Variants in PLXNA4 observed in about 807,000 individuals in gnomAD.
The protein encoded by PLXNA4 is plexin A4.
Under a neutral mutation model 191.8 loss-of-function variants are expected in PLXNA4, and 44 were observed. The observed-to-expected ratio is 0.23, with a 90% CI of 0.18 to 0.29. PLXNA4 has a LOEUF of 0.29. PLXNA4 is among the 10% of genes least tolerant of loss of function. The pLI is 1.00. For missense variants in PLXNA4, 1,800 were observed against 2,488.8 expected (o/e 0.72, Z 5.89); for synonymous variants, 1,082 against 1,009.5 (o/e 1.07, Z -1.36).
intron 3 of PLXNA4, among the ~76,000 whole-genome samples, chr7:132,450,462 C>T (rs1388794849): frequency 2.6e-5 from 4 of 152,198 alleles, no homozygotes; most frequent in African/African-American, 7.2e-5. Flanking sequence ...ATGCCTCTGA[C>T]ACACCGTTTC....
chr7:132,576,496 C>T (rs1270448636), upstream of PLXNA4: 1 of 985,104 alleles, frequency 1.0e-6, no homozygotes, highest in Non-Finnish European at 1.2e-6. This position sits in a 1 kb window ranked among gnomAD's most constrained non-coding sequence, Gnocchi z 5.8. Context: ...GCCGCTGCCT[C>T]TCGCCCTCCT....
intron 4 of PLXNA4, among the ~76,000 whole-genome samples, chr7:132,271,492 T>C (rs1800070538): frequency 6.6e-6 from 1 of 151,334 alleles, no homozygotes; most frequent in Admixed American, 6.6e-5. Context: ...CAGTGGTTAC[T>C]GGTACCTAGC....
chr7:132,342,556 G>A (rs1391199762), intron 3 of PLXNA4, among the ~76,000 whole-genome samples: 3 of 152,166 alleles, frequency 2.0e-5, no homozygotes, highest in African/African-American at 7.2e-5. Context: ...TCTAGGCACA[G>A]GTGAGAGGCC....
At chr7:132,187,672 G>A (rs990843335) in intron 14 of PLXNA4, 65 bp from the exon 15 acceptor site, 36 of 1,523,386 alleles carry the variant, frequency 2.4e-5, no homozygotes, top group Middle Eastern at 2.0e-4. Context: ...CTGGGCAGGC[G>A]TGAGGCAGCA....
intron 1 of PLXNA4, among the ~76,000 whole-genome samples, chr7:132,572,106 G>A (rs1450394028): frequency 1.3e-5 from 2 of 152,152 alleles, no homozygotes; most frequent in East Asian, 3.9e-4. Context: ...TCCCAAGGGG[G>A]CAGCAGTACA....
chr7:132,586,740 G>A (rs1001997404), intron 2 of PLXNA4, among the ~76,000 whole-genome samples: 8 of 152,142 alleles, frequency 5.3e-5, no homozygotes, highest in African/African-American at 1.9e-4. Context: ...GTGATAGAGT[G>A]AGACTCCATC....
At chr7:132,378,033 G>T (rs1804734731) in intron 3 of PLXNA4, among the ~76,000 whole-genome samples, 1 of 152,152 alleles carries the variant, frequency 6.6e-6, no homozygotes, top group Non-Finnish European at 1.5e-5. Flanking sequence ...AGTGAGGGTA[G>T]GAAGAGCACC....
chr7:132,283,115 C>T (rs1800549460), intron 4 of PLXNA4, among the ~76,000 whole-genome samples: 1 of 152,192 alleles, frequency 6.6e-6, no homozygotes, highest in African/African-American at 2.4e-5. Context: ...AAGCAATTCA[C>T]TGGCCTCGGC....
At chr7:132,432,793 G>A (rs946044120) in intron 3 of PLXNA4, among the ~76,000 whole-genome samples, 14 of 152,102 alleles carry the variant, frequency 9.2e-5, no homozygotes, top group African/African-American at 2.7e-4. Context: ...TTCATTTATC[G>A]TATAGACAAA....
intron 3 of PLXNA4, among the ~76,000 whole-genome samples, chr7:132,453,276 G>T (rs1161657899): frequency 2.0e-5 from 3 of 152,102 alleles, no homozygotes; most frequent in African/African-American, 7.2e-5. Context: ...GGCAAGGCTG[G>T]AGAGAAAGGT....
intron 1 of PLXNA4, among the ~76,000 whole-genome samples, chr7:132,541,108 A>G (rs1800060714): frequency 6.6e-6 from 1 of 152,244 alleles, no homozygotes; most frequent in Admixed American, 6.5e-5. Context: ...GAAAAGTAAC[A>G]GCAGCACACA....
At chr7:132,619,786 C>G (rs1803225494) in intron 2 of PLXNA4, among the ~76,000 whole-genome samples, 1 of 152,208 alleles carries the variant, frequency 6.6e-6, no homozygotes, top group Non-Finnish European at 1.5e-5. Context: ...AACAGCAGGA[C>G]TCCTTGTTGT....
intron 14 of PLXNA4, among the ~76,000 whole-genome samples, chr7:132,190,449 T>A (rs1469208029): frequency 6.6e-6 from 1 of 152,226 alleles, no homozygotes; most frequent in Non-Finnish European, 1.5e-5. Flanking sequence ...TCAGGGGGCC[T>A]CAGCCCAGCT....
chr7:132,562,631 TCTCCTC>T (rs1291507770), intron 1 of PLXNA4, among the ~76,000 whole-genome samples: 2 of 51,974 alleles, frequency 3.8e-5, no homozygotes, highest in African/African-American at 1.7e-4. Flanking sequence ...TCCTCCTCCT[TCTCCTC>T]CTCTTTCTCC....
chr7:132,237,055 T>C (rs1008674447), intron 5 of PLXNA4, among the ~76,000 whole-genome samples: 5 of 152,230 alleles, frequency 3.3e-5, no homozygotes, highest in South Asian at 2.1e-4. Flanking sequence ...AAAGAAAGTG[T>C]TCTATATCTT....
At chr7:132,214,356 G>A (rs1222568475) in intron 9 of PLXNA4, among the ~76,000 whole-genome samples, 2 of 152,156 alleles carry the variant, frequency 1.3e-5, no homozygotes, top group African/African-American at 4.8e-5. Flanking sequence ...TAAAGGCCTA[G>A]TTTGCATATA....
Position 132,228,367 on chromosome 7 carries a change from G to T in PLXNA4, c.1707C>A (p.Ser569=). The part of the protein sequence containing the change: ...VRLTVHPNNI[S]VSQYNVLLVL... The stretch of plus-strand genomic sequence containing the variant: ...TTACCAGCACGTTGTACTGAGAGAC[G>T]GAGATATTGTTGGGATGGACCGTCA... Residue 569 remains serine, a synonymous_variant, in exon 6 of 32, where the codon TCC becomes TCA. Transcript: ENST00000321063. The T allele has an allele frequency of 1.2e-6, 2 of 1,614,066 alleles. No homozygotes were observed. Among genetic ancestry groups the T allele is most frequent in the Non-Finnish European group, 1.7e-6 (2 of 1,180,020 alleles).
At chr7:132,349,508 C>T (rs56053426) in intron 3 of PLXNA4, among the ~76,000 whole-genome samples, 5,780 of 152,322 alleles carry the variant, frequency 0.038, 157 homozygotes, top group Middle Eastern at 0.071. Flanking sequence ...CAGGGCATCT[C>T]ATTCCCACTC....
At chr7:132,190,908 G>A (rs528054973) in intron 14 of PLXNA4, among the ~76,000 whole-genome samples, 1 of 152,340 alleles carries the variant, frequency 6.6e-6, no homozygotes, top group East Asian at 1.9e-4. Context: ...GCAGTCAGAT[G>A]TCTGGAGTCC....
Sources: gnomAD v4.1 joint callset for allele counts (sites outside exome capture counted in the v4.1 genomes callset) on GRCh38, gnomAD v4.1.1 for gene constraint, Gnocchi (gnomAD v3.1) non-coding constraint, MANE v1.5 for transcripts, NCBI Gene and HGNC (gene_info 2026-07-23, HGNC 2026-07-21) for gene names.